The following G0S2 variants were observed in gnomAD, a reference collection of about 807,000 sequenced individuals.
The protein encoded by G0S2 is G0/G1 switch protein 2.
For synonymous variants in G0S2, 64 were observed against 66.0 expected (o/e 0.97, Z 0.15); for missense variants, 139 against 139.1 (o/e 1.00, Z 0.00).
Position 209,676,182 on chromosome 1 carries a change from C to T in G0S2, c.*186C>T. On this transcript the variant is annotated 3_prime_UTR_variant, in exon 2 of 2. Coordinates refer to ENST00000367029, the MANE Select transcript of G0S2 (RefSeq NM_015714.4). ...CCGCTGACATCTAGAACTGACCTAC[C>T]ACAAGCATCCACCAAAGGAGTTTGG... 2 of 529,776 alleles carry T rather than the reference C, an allele frequency of 3.8e-6. No individual in the cohort carries two copies. The highest frequency in any genetic ancestry group is 6.8e-6 in the Non-Finnish European group (2 of 293,732). The allele number at this position is 529,776 out of a possible 1,614,324, so 32.8% of individuals were successfully genotyped here.
rs142125926 is a variant in G0S2 at position 209,675,858 on chromosome 1, C to A, written c.174C>A (p.Asp58Glu). Residue 58 changes from aspartate to glutamate, a missense_variant, in exon 2 of 2, where the codon GAC becomes GAA. Transcript: ENST00000367029. This position sits in a 1 kb window ranked among gnomAD's most constrained non-coding sequence, Gnocchi z 5.4. The part of the protein sequence containing the change: ...SPFTAARRLR[D>E]QEAAVAELQA... ...TCACGGCCGCCAGACGTCTGCGGGA[C>A]CAGGAGGCAGCCGTGGCGGAGCTGC... The A allele has an allele frequency of 9.6e-5, 154 of 1,600,122 alleles. 1 individual carries two copies. The highest frequency in any genetic ancestry group is 5.2e-4 in the African/African-American group (39 of 74,800).
In G0S2 at chr1:209,675,698, A is replaced by G. The variant is rs1242205046; in HGVS notation, c.14A>G (p.Gln5Arg). METVQELIPLAKEMM... is the reference protein window; with the variant it reads METVRELIPLAKEMM... ...CCCAGAGCCGAGATGGAAACGGTCC[A>G]GGAGCTGATCCCCCTGGCCAAGGAG... is the stretch of plus-strand genomic sequence containing the variant. The change falls in exon 2 of 2, where the codon CAG becomes CGG. Residue 5 changes from glutamine to arginine, a missense_variant. Gln to Arg is a conservative substitution (Grantham distance 43, BLOSUM62 1). Coordinates refer to ENST00000367029, the MANE Select transcript of G0S2 (RefSeq NM_015714.4). This position sits in a 1 kb window ranked among gnomAD's most constrained non-coding sequence, Gnocchi z 5.4. 1 of 1,593,566 alleles carries G rather than the reference A, an allele frequency of 6.3e-7. No individual in the cohort carries two copies. The highest frequency in any genetic ancestry group is 2.3e-5 in the East Asian group (1 of 43,858).
chr1:209,676,038 A>C lies in G0S2; in HGVS notation c.*42A>C. On this transcript the variant is annotated 3_prime_UTR_variant, in exon 2 of 2. Coordinates refer to ENST00000367029, the MANE Select transcript of G0S2 (RefSeq NM_015714.4). ...GCGGAGTGGGAGGGAGACGCAGTAG[A>C]CAGAGACAGACCGAGAGAGGAATGG... 1.4e-6 allele frequency: 2 copies of C among 1,394,836 alleles called. No individual in the cohort carries two copies. The highest frequency in any genetic ancestry group is 2.8e-5 in the South Asian group (2 of 70,428). 86.4% of individuals were successfully genotyped at this position (1,394,836 alleles called of 1,614,324 possible).
rs2076686548 is a variant in G0S2, at chr1:209,675,572, C to T, written c.-33+23C>T. 2 of 716,786 alleles carry T rather than the reference C, an allele frequency of 2.8e-6. No homozygotes were observed. Among genetic ancestry groups the T allele is most frequent in the South Asian group, 3.6e-5 (2 of 55,300 alleles). The allele number at this position is 716,786 out of a possible 1,614,324, so 44.4% of individuals were successfully genotyped here. A position where few individuals can be genotyped will look rare whatever the true frequency, so the allele number is the denominator to read the frequency against. On this transcript the variant is annotated intron_variant, in intron 1 of 1. Coordinates refer to ENST00000367029, the MANE Select transcript of G0S2 (RefSeq NM_015714.4). This position sits in a 1 kb window ranked among gnomAD's most constrained non-coding sequence, Gnocchi z 5.4. ...AAGGTAGTCCGCCTTTCTATGAGCC[C>T]TCCCCAAGATTAGCTGGGTGCGGGG...
Position 209,675,732 on chromosome 1 carries a change from C to T in G0S2, c.48C>T (p.Ala16=). The part of the protein sequence containing the change: ...ELIPLAKEMM[A]QKRKGKMVKL... ...TCCCCCTGGCCAAGGAGATGATGGC[C>T]CAGAAGCGCAAGGGGAAGATGGTGA... Residue 16 remains alanine (A), a synonymous_variant, in exon 2 of 2, where the codon GCC becomes GCT. Coordinates refer to ENST00000367029, the MANE Select transcript of G0S2 (RefSeq NM_015714.4). This position sits in a 1 kb window ranked among gnomAD's most constrained non-coding sequence, Gnocchi z 5.4. 1 of 1,604,058 alleles carries T rather than the reference C, an allele frequency of 6.2e-7. No homozygotes were observed. Among genetic ancestry groups the T allele is most frequent in the Non-Finnish European group, 8.5e-7 (1 of 1,174,960 alleles).
Position 209,675,804 on chromosome 1 carries a change from C to T in G0S2, c.120C>T (p.Leu40=), listed in dbSNP as rs955989025. ...GSVLALFGVV[L]GLMETVCSPF... ...TGCTGGCCCTCTTCGGCGTGGTGCT[C>T]GGCCTGATGGAGACTGTGTGCAGCC... The change falls in exon 2 of 2, where the codon CTC becomes CTT. Residue 40 remains leucine (L), a synonymous_variant. Transcript: ENST00000367029. This position sits in a 1 kb window ranked among gnomAD's most constrained non-coding sequence, Gnocchi z 5.4. 3.7e-6 allele frequency: 6 copies of T among 1,601,502 alleles called. No homozygotes were observed. The highest frequency in any genetic ancestry group is 2.7e-5 in the African/African-American group (2 of 74,814).
rs762616506 is a variant in G0S2, at chr1:209,675,857, A to T, written c.173A>T (p.Asp58Val). The T allele has an allele frequency of 5.0e-6, 8 of 1,599,818 alleles. No homozygotes were observed. The South Asian group carries it at 9.0e-5, about 18-fold the overall frequency. Residue 58 changes from aspartate (D) to valine (V), a missense_variant, in exon 2 of 2, where the codon GAC (aspartate) becomes GTC (valine). Physicochemically the swap from Asp to Val is radical, Grantham distance 152. Coordinates refer to ENST00000367029, the MANE Select transcript of G0S2 (RefSeq NM_015714.4). The surrounding 1 kb of genome is among the most constrained non-coding windows in gnomAD (Gnocchi z 5.4). ...SPFTAARRLR[D>V]QEAAVAELQA... ...TTCACGGCCGCCAGACGTCTGCGGG[A>T]CCAGGAGGCAGCCGTGGCGGAGCTG... is the stretch of plus-strand genomic sequence containing the variant.
Position 209,675,571 on chromosome 1 carries a change from C to A in G0S2, c.-33+22C>A. ...TAAGGTAGTCCGCCTTTCTATGAGC[C>A]CTCCCCAAGATTAGCTGGGTGCGGG... On this transcript the variant is annotated intron_variant, in intron 1 of 1. Transcript: ENST00000367029. The surrounding 1 kb of genome is among the most constrained non-coding windows in gnomAD (Gnocchi z 5.4). 1 of 709,592 alleles carries A rather than the reference C, an allele frequency of 1.4e-6. No individual in the cohort carries two copies. Among genetic ancestry groups the A allele is most frequent in the Admixed American group, 2.8e-5 (1 of 36,244 alleles). The allele number at this position is 709,592 out of a possible 1,614,324, so 44.0% of individuals were successfully genotyped here. A position where few individuals can be genotyped will look rare whatever the true frequency, so the allele number is the denominator to read the frequency against.
In G0S2 at chr1:209,675,958, G is replaced by C. The variant is rs199959013; in HGVS notation, c.274G>C (p.Gly92Arg). 8.3e-6 allele frequency: 13 copies of C among 1,562,798 alleles called. No homozygotes were observed. The highest frequency in any genetic ancestry group is 1.4e-5 in the African/African-American group (1 of 73,914). ...AGGCAAGCAGCAGGACACGGTCCTC[G>C]GCGGCCGGGCCCTGTCCAACCGGCA... ...EKGKQQDTVLGGRALSNRQHA... is the reference protein window; with the variant it reads ...EKGKQQDTVLRGRALSNRQHA... Residue 92 changes from glycine to arginine, a missense_variant, in exon 2 of 2, where the codon GGC becomes CGC. By Grantham distance (125) the Gly-to-Arg change is moderately radical. Transcript: ENST00000367029. This position sits in a 1 kb window ranked among gnomAD's most constrained non-coding sequence, Gnocchi z 5.4.
chr1:209,675,528 C>T lies in G0S2; in HGVS notation c.-54C>T. On this transcript the variant is annotated 5_prime_UTR_variant, in exon 1 of 2. Coordinates refer to ENST00000367029, the MANE Select transcript of G0S2 (RefSeq NM_015714.4). The surrounding 1 kb of genome is among the most constrained non-coding windows in gnomAD (Gnocchi z 5.4). ...TGCCAACTGCAGCTCGCGCTGCCTCCTGCTCGCGCCGTGCCACTAAGGTAG... is the reference window on the plus strand; with the variant it reads ...TGCCAACTGCAGCTCGCGCTGCCTCTTGCTCGCGCCGTGCCACTAAGGTAG... The T allele has an allele frequency of 1.6e-6, 1 of 608,548 alleles. No individual in the cohort carries two copies. Among genetic ancestry groups the T allele is most frequent in the Non-Finnish European group, 2.9e-6 (1 of 341,434 alleles). 37.7% of individuals were successfully genotyped at this position (608,548 alleles called of 1,614,324 possible).
Position 209,675,996 on chromosome 1 carries a change from G to A in G0S2, c.312G>A (p.Ter104=), listed in dbSNP as rs756884533. 6.5e-7 allele frequency: 1 copy of A among 1,527,586 alleles called. No homozygotes were observed. Among genetic ancestry groups the A allele is most frequent in the Non-Finnish European group, 8.8e-7 (1 of 1,134,864 alleles). 94.6% of individuals were successfully genotyped at this position (1,527,586 alleles called of 1,614,324 possible). The part of the protein sequence containing the change: ...RALSNRQHAS[*] Reference sequence around the variant, plus strand: ...TGTCCAACCGGCAGCACGCCTCCTAGGAACTGTGGGAGACCAGCGGAGTGG... The same window carrying A: ...TGTCCAACCGGCAGCACGCCTCCTAAGAACTGTGGGAGACCAGCGGAGTGG... Residue 104 remains the stop codon, a stop_retained_variant, in exon 2 of 2, where the codon TAG becomes TAA. Transcript: ENST00000367029. The surrounding 1 kb of genome is among the most constrained non-coding windows in gnomAD (Gnocchi z 5.4).
rs1056501859 is a variant in G0S2, at chr1:209,676,152, A to C, written c.*156A>C. 4 of 599,462 alleles carry C rather than the reference A, an allele frequency of 6.7e-6. No homozygotes were observed. The highest frequency in any genetic ancestry group is 1.2e-5 in the Non-Finnish European group (4 of 341,528). 37.1% of individuals were successfully genotyped at this position (599,462 alleles called of 1,614,324 possible). ...GTTTTTTATTTGGACTTAACTTCAGAGAAACCGCTGACATCTAGAACTGAC... is the reference window on the plus strand; with the variant it reads ...GTTTTTTATTTGGACTTAACTTCAGCGAAACCGCTGACATCTAGAACTGAC... On this transcript the variant is annotated 3_prime_UTR_variant, in exon 2 of 2. Coordinates refer to ENST00000367029, the MANE Select transcript of G0S2 (RefSeq NM_015714.4).
chr1:209,675,694 G>GGA lies in G0S2; in HGVS notation c.10_11insGA (p.Val4GlyfsTer5). The GGA allele has an allele frequency of 6.3e-7, 1 of 1,590,848 alleles. No homozygotes were observed. Among genetic ancestry groups the GGA allele is most frequent in the Non-Finnish European group, 8.6e-7 (1 of 1,167,520 alleles). On this transcript the variant is annotated frameshift_variant, in exon 2 of 2. Transcript: ENST00000367029. LOFTEE classifies it low-confidence loss of function (END_TRUNC). The surrounding 1 kb of genome is among the most constrained non-coding windows in gnomAD (Gnocchi z 5.4). The stretch of plus-strand genomic sequence containing the variant: ...AGAGCCCAGAGCCGAGATGGAAACG[G>GGA]TCCAGGAGCTGATCCCCCTGGCCAA...
Position 209,676,043 on chromosome 1 carries a change from G to A in G0S2, c.*47G>A, listed in dbSNP as rs759815057. 6.7e-6 allele frequency: 9 copies of A among 1,343,298 alleles called. No individual in the cohort carries two copies. Among genetic ancestry groups the A allele is most frequent in the Non-Finnish European group, 8.0e-6 (8 of 1,005,542 alleles). 83.2% of individuals were successfully genotyped at this position (1,343,298 alleles called of 1,614,324 possible). On this transcript the variant is annotated 3_prime_UTR_variant, in exon 2 of 2. Transcript: ENST00000367029. ...GTGGGAGGGAGACGCAGTAGACAGAGACAGACCGAGAGAGGAATGGAGAGA... is the reference window on the plus strand; with the variant it reads ...GTGGGAGGGAGACGCAGTAGACAGAAACAGACCGAGAGAGGAATGGAGAGA...
Position 209,676,099 on chromosome 1 carries a change from C to G in G0S2, c.*103C>G. 1 of 875,604 alleles carries G rather than the reference C, an allele frequency of 1.1e-6. No individual in the cohort carries two copies. Among genetic ancestry groups the G allele is most frequent in the South Asian group, 1.8e-5 (1 of 54,292 alleles). 54.2% of individuals were successfully genotyped at this position (875,604 alleles called of 1,614,324 possible). On this transcript the variant is annotated 3_prime_UTR_variant, in exon 2 of 2. Transcript: ENST00000367029. ...GGGGCGCGCGCACAGGAGCCTGACT[C>G]CGCTGGGAGAGTGCAGGAGCACGTG...
rs780431905 is a variant in G0S2, at chr1:209,675,967, G to A, written c.283G>A (p.Ala95Thr). 2 of 1,551,404 alleles carry A rather than the reference G, an allele frequency of 1.3e-6. No homozygotes were observed. The highest frequency in any genetic ancestry group is 1.7e-6 in the Non-Finnish European group (2 of 1,145,014). The change falls in exon 2 of 2, where the codon GCC becomes ACC. Residue 95 changes from alanine to threonine, a missense_variant. By Grantham distance (58) the Ala-to-Thr change is moderately conservative. Coordinates refer to ENST00000367029, the MANE Select transcript of G0S2 (RefSeq NM_015714.4). The surrounding 1 kb of genome is among the most constrained non-coding windows in gnomAD (Gnocchi z 5.4). ...GCAGGACACGGTCCTCGGCGGCCGG[G>A]CCCTGTCCAACCGGCAGCACGCCTC... ...KQQDTVLGGRALSNRQHAS is the reference protein window; with the variant it reads ...KQQDTVLGGRTLSNRQHAS
chr1:209,675,662 G>T lies in G0S2; in HGVS notation c.-23G>T. Reference sequence around the variant, plus strand: ...GCTGCTCCTCCTGCAGGTCATTCCCGCCTCCGAGAGCCCAGAGCCGAGATG... The same window carrying T: ...GCTGCTCCTCCTGCAGGTCATTCCCTCCTCCGAGAGCCCAGAGCCGAGATG... On this transcript the variant is annotated 5_prime_UTR_variant, in exon 2 of 2. Transcript: ENST00000367029. The surrounding 1 kb of genome is among the most constrained non-coding windows in gnomAD (Gnocchi z 5.4). 6.5e-7 allele frequency: 1 copy of T among 1,545,780 alleles called. No homozygotes were observed. The highest frequency in any genetic ancestry group is 8.8e-7 in the Non-Finnish European group (1 of 1,136,522).
At position 209,675,647 on chromosome 1, in the gene G0S2, C is replaced by T. The variant is rs756670467; in HGVS notation, c.-32-6C>T. On this transcript the variant is annotated splice_polypyrimidine_tract_variant and splice_region_variant and intron_variant, in intron 1 of 1. Transcript: ENST00000367029. The surrounding 1 kb of genome is among the most constrained non-coding windows in gnomAD (Gnocchi z 5.4). ...TGAAGCCCCTCTCCTGCTGCTCCTC[C>T]TGCAGGTCATTCCCGCCTCCGAGAG... The T allele has an allele frequency of 7.0e-6, 10 of 1,432,362 alleles. No individual in the cohort carries two copies. The South Asian group carries it at 1.2e-4, about 18-fold the overall frequency. The allele number at this position is 1,432,362 out of a possible 1,614,324, so 88.7% of individuals were successfully genotyped here. A position where few individuals can be genotyped will look rare whatever the true frequency, so the allele number is the denominator to read the frequency against.
rs1217502095 is a variant in G0S2, at chr1:209,675,708, C to A, written c.24C>A (p.Ile8=). ...AGATGGAAACGGTCCAGGAGCTGAT[C>A]CCCCTGGCCAAGGAGATGATGGCCC... is the stretch of plus-strand genomic sequence containing the variant. METVQEL[I]PLAKEMMAQK... The change falls in exon 2 of 2, where the codon ATC becomes ATA. Residue 8 remains isoleucine, a synonymous_variant. Transcript: ENST00000367029. The surrounding 1 kb of genome is among the most constrained non-coding windows in gnomAD (Gnocchi z 5.4). 2.5e-6 allele frequency: 4 copies of A among 1,597,068 alleles called. No individual in the cohort carries two copies. Among genetic ancestry groups the A allele is most frequent in the African/African-American group, 1.3e-5 (1 of 74,612 alleles).
Sources: allele counts gnomAD v4.1 joint callset, GRCh38; gene constraint gnomAD v4.1.1; non-coding constraint Gnocchi (gnomAD v3.1); transcripts MANE v1.5; gene names NCBI Gene and HGNC (gene_info 2026-07-23, HGNC 2026-07-21).